The following CNTNAP2 variants were observed in gnomAD, a reference collection of about 807,000 sequenced individuals.
CNTNAP2 encodes contactin-associated protein-like 2.
In CNTNAP2, 98 loss-of-function variants were observed where a neutral mutation model predicts 155.2. That is an observed-to-expected ratio of 0.63 (90% confidence interval 0.54 to 0.75). The LOEUF (loss-of-function observed/expected upper bound fraction) is 0.75, where lower values mean the gene tolerates loss of function less well. Ranked by LOEUF, CNTNAP2 falls within the 30% of genes least tolerant of loss-of-function variation. The pLI, the probability that CNTNAP2 is intolerant of heterozygous loss-of-function variation, is 0.00. For synonymous variants in CNTNAP2, 651 were observed against 631.2 expected (o/e 1.03, Z -0.47); for missense variants, 1,727 against 1,688.1 (o/e 1.02, Z -0.40).
chr7:146,351,578 A>T (rs913126526), intron 1 of CNTNAP2, among the ~76,000 whole-genome samples: 8 of 152,204 alleles, frequency 5.3e-5, no homozygotes, highest in Non-Finnish European at 8.8e-5. Context: ...CTGTATCATT[A>T]AACCCCTCAA....
chr7:146,947,039 A>ATTTG (rs1797192338), intron 3 of CNTNAP2, among the ~76,000 whole-genome samples: 1 of 151,748 alleles, frequency 6.6e-6, no homozygotes, highest in African/African-American at 2.4e-5. Flanking sequence ...TTATTTATTT[A>ATTTG]TTTATTTTTG....
intron 1 of CNTNAP2, among the ~76,000 whole-genome samples, chr7:146,294,644 A>C (rs868608936): frequency 2.3e-4 from 35 of 152,326 alleles, no homozygotes; most frequent in South Asian, 1.0e-3. Flanking sequence ...GATAATGATG[A>C]CTTTACTTTT....
chr7:147,038,559 G>A (rs188805557), intron 3 of CNTNAP2, among the ~76,000 whole-genome samples: 105 of 152,158 alleles, frequency 6.9e-4, no homozygotes, highest in Non-Finnish European at 1.1e-3. Context: ...TATCAAAATG[G>A]CCAACAGAAG....
chr7:148,225,573 G>A (rs931247693), intron 19 of CNTNAP2, among the ~76,000 whole-genome samples: 7 of 152,286 alleles, frequency 4.6e-5, no homozygotes, highest in South Asian at 4.1e-4. Flanking sequence ...ACTCTGAGAC[G>A]GGGAGTTACT....
At chr7:148,123,013 T>G (rs1804633894) in intron 16 of CNTNAP2, among the ~76,000 whole-genome samples, 1 of 152,130 alleles carries the variant, frequency 6.6e-6, no homozygotes, top group Admixed American at 6.5e-5. Flanking sequence ...TGAAGGAGTC[T>G]GACATTCAAG....
At chr7:146,762,619 A>C (rs1802122602) in intron 1 of CNTNAP2, among the ~76,000 whole-genome samples, 1 of 152,034 alleles carries the variant, frequency 6.6e-6, no homozygotes, top group African/African-American at 2.4e-5. Context: ...AAAACAAACA[A>C]AAAAAGAATC....
At chr7:146,576,706 G>C (rs1161037499) in intron 1 of CNTNAP2, among the ~76,000 whole-genome samples, 1 of 152,106 alleles carries the variant, frequency 6.6e-6, no homozygotes, top group Non-Finnish European at 1.5e-5. Context: ...GGGAAATGAG[G>C]AACTGAGGCC....
intron 13 of CNTNAP2, among the ~76,000 whole-genome samples, chr7:147,861,788 T>C (rs1377211429): frequency 6.6e-6 from 1 of 151,770 alleles, no homozygotes; most frequent in Non-Finnish European, 1.5e-5. Context: ...GGCTGAGGCA[T>C]GAGGATCGCT....
chr7:147,346,445 C>T (rs1401171768), intron 9 of CNTNAP2, among the ~76,000 whole-genome samples: 3 of 152,084 alleles, frequency 2.0e-5, no homozygotes, highest in African/African-American at 4.8e-5. Flanking sequence ...TGAGCCACCG[C>T]GCCCGGCCCA....
At chr7:147,648,804 A>G (rs1055627354) in intron 13 of CNTNAP2, among the ~76,000 whole-genome samples, 3 of 152,192 alleles carry the variant, frequency 2.0e-5, no homozygotes, top group Non-Finnish European at 4.4e-5. Context: ...CAGCCAAACC[A>G]TATCAGCCAT....
At chr7:148,407,774 A>G (rs1338261361) in intron 22 of CNTNAP2, among the ~76,000 whole-genome samples, 1 of 150,254 alleles carries the variant, frequency 6.7e-6, no homozygotes, top group African/African-American at 2.4e-5. Flanking sequence ...TCTCTTTTGC[A>G]TCCCCCAGTT....
chr7:147,878,405 A>ACTT (rs1554444606), intron 13 of CNTNAP2, among the ~76,000 whole-genome samples: 2 of 151,464 alleles, frequency 1.3e-5, no homozygotes, highest in Non-Finnish European at 2.9e-5. Flanking sequence ...TTTGCTAATT[A>ACTT]CTTATGTTGT....
In CNTNAP2 at chr7:146,886,849, A is replaced by G. The variant is rs999854927; in HGVS notation, c.402+46945A>G. Among the ~76,000 whole-genome samples, 20 of 151,276 alleles carry G rather than the reference A, an allele frequency of 1.3e-4. No individual in the cohort carries two copies. In the Admixed American group the frequency reaches 1.3e-3, roughly 10 times the overall value. On this transcript the variant is annotated intron_variant, in intron 3 of 23. Coordinates refer to ENST00000361727, the MANE Select transcript of CNTNAP2 (RefSeq NM_014141.6). ...TGGATTTTTCTGTATTTGCTTGACT[A>G]ACACAAGTGTTATAAACTCATCATT...
rs188806405 is a variant in CNTNAP2, at chr7:146,664,835, A to C, written c.98-109436A>C. On this transcript the variant is annotated intron_variant, in intron 1 of 23. Transcript: ENST00000361727. The stretch of plus-strand genomic sequence containing the variant: ...TTTTTAAATAGATATAGGACTATTT[A>C]GGCTGTTTCTTCTTCAGTAAATATT... 2.0e-5 allele frequency among the ~76,000 whole-genome samples: 3 copies of C among 152,304 alleles called. No individual in the cohort carries two copies. In the East Asian group the frequency reaches 5.8e-4, roughly 29 times the overall value.
intron 9 of CNTNAP2, among the ~76,000 whole-genome samples, chr7:147,327,801 A>G (rs1795487492): frequency 6.6e-6 from 1 of 152,208 alleles, no homozygotes; most frequent in South Asian, 2.1e-4. Flanking sequence ...CTCCACAAGA[A>G]TACTTGAAAT....
At chr7:147,328,567 A>G (rs543105088) in intron 9 of CNTNAP2, among the ~76,000 whole-genome samples, 23 of 152,344 alleles carry the variant, frequency 1.5e-4, no homozygotes, top group Non-Finnish European at 3.1e-4. Context: ...ATCTCTGGAA[A>G]TATTATAAAA....
At chr7:147,210,321 G>C (rs545946071) in intron 8 of CNTNAP2, among the ~76,000 whole-genome samples, 1 of 152,098 alleles carries the variant, frequency 6.6e-6, no homozygotes, top group South Asian at 2.1e-4. Context: ...ATTCAATCTT[G>C]GGAGATTGTA....
intron 3 of CNTNAP2, among the ~76,000 whole-genome samples, chr7:146,976,724 G>A (rs1797918593): frequency 6.6e-6 from 1 of 152,130 alleles, no homozygotes; most frequent in African/African-American, 2.4e-5. Flanking sequence ...GCATTGGACA[G>A]GCATGATTGA....
chr7:147,301,446 A>C (rs546131160), intron 9 of CNTNAP2, among the ~76,000 whole-genome samples: 1 of 152,300 alleles, frequency 6.6e-6, no homozygotes, highest in East Asian at 1.9e-4. Context: ...GATGTAAAAA[A>C]TAAATCACAT....
Sources: gnomAD v4.1 joint callset for allele counts (sites outside exome capture counted in the v4.1 genomes callset) on GRCh38, gnomAD v4.1.1 for gene constraint, MANE v1.5 for transcripts, NCBI Gene and HGNC (gene_info 2026-07-23, HGNC 2026-07-21) for gene names.